Variants in OPCML observed in about 807,000 individuals in gnomAD.
OPCML encodes opioid binding protein/cell adhesion molecule like.
OPCML carries 13 observed loss-of-function variants against 37.8 expected under a neutral mutation model. The ratio of observed to expected loss-of-function variants is 0.34; its 90% confidence interval spans 0.22 to 0.55. The LOEUF is 0.55. OPCML is among the 20% of genes least tolerant of loss of function. The pLI, the probability that OPCML is intolerant of heterozygous loss-of-function variation, is 0.91. For synonymous variants in OPCML, 176 were observed against 168.8 expected, an observed-to-expected ratio of 1.04 and a Z score of -0.33; for missense variants, 341 against 435.6, an observed-to-expected ratio of 0.78 and a Z score of 1.93.
intron 4 of OPCML, among the ~76,000 whole-genome samples, chr11:132,512,957 G>A (rs900117609): frequency 1.1e-4 from 16 of 151,850 alleles, no homozygotes; most frequent in African/African-American, 2.7e-4. Context: ...CAAAAGCTGC[G>A]GTAATTTAAA....
chr11:132,764,504 C>T (rs1310538161), intron 2 of OPCML, among the ~76,000 whole-genome samples: 1 of 152,182 alleles, frequency 6.6e-6, no homozygotes, highest in East Asian at 1.9e-4. Context: ...TATGGCTTAA[C>T]CTCCGGGGAT....
chr11:132,768,697 T>C (rs577421638), intron 2 of OPCML, among the ~76,000 whole-genome samples: 1 of 152,124 alleles, frequency 6.6e-6, no homozygotes, highest in East Asian at 1.9e-4. Flanking sequence ...AATGCCACTA[T>C]CTCCTTTCAC....
intron 2 of OPCML, among the ~76,000 whole-genome samples, chr11:132,795,585 C>A (rs1252202596): frequency 6.6e-6 from 1 of 152,190 alleles, no homozygotes; most frequent in African/African-American, 2.4e-5. Context: ...CCCTGCCTGC[C>A]CTAGGAAGCC....
intron 2 of OPCML, among the ~76,000 whole-genome samples, chr11:132,699,339 TATTTC>T (rs1943719849): frequency 6.6e-6 from 1 of 152,138 alleles, no homozygotes; most frequent in Admixed American, 6.5e-5. Context: ...GAAACTCTTT[TATTTC>T]TTTTCTTGTC....
chr11:133,426,409 C>G (rs1213404750), intron 1 of OPCML, among the ~76,000 whole-genome samples: 3 of 152,028 alleles, frequency 2.0e-5, no homozygotes, highest in African/African-American at 7.2e-5. Context: ...ACAACAACTC[C>G]CCAAAAGCAG....
chr11:132,590,296 G>A (rs952311617), intron 3 of OPCML, among the ~76,000 whole-genome samples: 2 of 151,948 alleles, frequency 1.3e-5, no homozygotes, highest in African/African-American at 4.8e-5. Context: ...AAATGAACAT[G>A]GGTAAATGAA....
At chr11:133,499,199 GA>G (rs1947851364) in intron 1 of OPCML, among the ~76,000 whole-genome samples, 1 of 152,168 alleles carries the variant, frequency 6.6e-6, no homozygotes, top group African/African-American at 2.4e-5. Flanking sequence ...AGCCCATATG[GA>G]AAGTGGAGAG....
intron 7 of OPCML, among the ~76,000 whole-genome samples, chr11:132,422,565 C>G (rs562233031): frequency 2.0e-5 from 3 of 151,998 alleles, no homozygotes; most frequent in African/African-American, 7.3e-5. Context: ...TGACAACACA[C>G]GTTCACACCG....
intron 1 of OPCML, among the ~76,000 whole-genome samples, chr11:133,223,662 A>G (rs1230020668): frequency 2.0e-5 from 3 of 152,196 alleles, no homozygotes; most frequent in Non-Finnish European, 2.9e-5. Context: ...ATGATTGGAA[A>G]CAGTTATGAA....
chr11:132,735,504 T>G (rs903135484), intron 2 of OPCML, among the ~76,000 whole-genome samples: 3 of 152,174 alleles, frequency 2.0e-5, no homozygotes, highest in African/African-American at 4.8e-5. Context: ...TTTTTTTTCT[T>G]GAGACAGAGT....
chr11:133,383,647 G>T (rs775990556), intron 1 of OPCML, among the ~76,000 whole-genome samples: 4 of 152,126 alleles, frequency 2.6e-5, no homozygotes, highest in Non-Finnish European at 4.4e-5. Context: ...AATAACGTGC[G>T]TCTTCAGAGA....
At chr11:133,002,918 A>G (rs1359946249) in intron 1 of OPCML, among the ~76,000 whole-genome samples, 1 of 152,194 alleles carries the variant, frequency 6.6e-6, no homozygotes, top group African/African-American at 2.4e-5. Context: ...TTTGAACTTT[A>G]GAACAACTCC....
At chr11:133,210,574 C>G (rs934964744) in intron 1 of OPCML, among the ~76,000 whole-genome samples, 1 of 152,152 alleles carries the variant, frequency 6.6e-6, no homozygotes, top group African/African-American at 2.4e-5. Flanking sequence ...GGAAACTGAG[C>G]TCAAAGGGAC....
chr11:133,193,652 T>C (rs1265323537), intron 1 of OPCML, among the ~76,000 whole-genome samples: 2 of 152,184 alleles, frequency 1.3e-5, no homozygotes, highest in East Asian at 1.9e-4. Context: ...CCATTTATAT[T>C]TGTATACTGC....
At chr11:132,563,478 G>T (rs1354225264) in intron 3 of OPCML, among the ~76,000 whole-genome samples, 2 of 151,754 alleles carry the variant, frequency 1.3e-5, no homozygotes, top group African/African-American at 4.8e-5. Flanking sequence ...CTCATTCATG[G>T]GAATGGGCTT....
At chr11:133,081,542 T>C (rs1948716454) in intron 1 of OPCML, among the ~76,000 whole-genome samples, 1 of 152,200 alleles carries the variant, frequency 6.6e-6, no homozygotes, top group Admixed American at 6.5e-5. Context: ...GTCTTTTGTT[T>C]TCCACATCCT....
At chr11:133,337,244 C>T (rs1373365691) in intron 1 of OPCML, among the ~76,000 whole-genome samples, 4 of 152,220 alleles carry the variant, frequency 2.6e-5, no homozygotes, top group Non-Finnish European at 5.9e-5. Context: ...TCTCTGAACA[C>T]CTGTCACCTG....
At chr11:133,518,161 G>A (rs1210618520) in intron 1 of OPCML, among the ~76,000 whole-genome samples, 1 of 152,134 alleles carries the variant, frequency 6.6e-6, no homozygotes, top group Non-Finnish European at 1.5e-5. Flanking sequence ...TGGGTGGTGT[G>A]TGTGGATATA....
rs561704615 is a variant in OPCML at position 132,956,132 on chromosome 11, A to G, written c.62-13122T>C. Among the ~76,000 whole-genome samples the G allele has an allele frequency of 2.6e-5, 4 of 152,360 alleles. No individual in the cohort carries two copies. In the South Asian group the frequency reaches 8.3e-4, roughly 32 times the overall value. On this transcript the variant is annotated intron_variant, in intron 1 of 7. Coordinates refer to ENST00000524381, the MANE Select transcript of OPCML (RefSeq NM_001012393.5). ...TGTCCACATTTGGACACTGGATTTTATCAGTGGCAAATTAGCTAAAGGTGG... is the reference window on the plus strand; with the variant it reads ...TGTCCACATTTGGACACTGGATTTTGTCAGTGGCAAATTAGCTAAAGGTGG...
Sources: allele counts gnomAD v4.1 joint callset (sites outside exome capture counted in the v4.1 genomes callset), GRCh38; gene constraint gnomAD v4.1.1; transcripts MANE v1.5; gene names NCBI Gene and HGNC (gene_info 2026-07-23, HGNC 2026-07-21).